Variants in PSD3 observed in about 807,000 individuals in gnomAD.
PSD3 encodes PH and SEC7 domain-containing protein 3.
Under a neutral mutation model 105.5 loss-of-function variants are expected in PSD3, and 49 were observed. The observed-to-expected ratio is 0.46, with a 90% CI of 0.37 to 0.59. The LOEUF is 0.59. Among genes scored for constraint, PSD3 ranks in the 20% least tolerant of loss-of-function variants. PSD3 has a pLI of 0.00. For synonymous variants in PSD3, 557 were observed against 457.8 expected, an observed-to-expected ratio of 1.22 and a Z score of -2.77; for missense variants, 1,561 against 1,263.8, an observed-to-expected ratio of 1.24 and a Z score of -3.57.
At chr8:18,558,469 C>T (rs761501298) in intron 14 of PSD3, among the ~76,000 whole-genome samples, 34 of 152,144 alleles carry the variant, frequency 2.2e-4, no homozygotes, top group Admixed American at 5.2e-4. Context: ...TACACATGTA[C>T]GTGCTCATCT....
chr8:18,626,250 T>A (rs879861279), intron 11 of PSD3, among the ~76,000 whole-genome samples: 26 of 147,970 alleles, frequency 1.8e-4, no homozygotes, highest in Non-Finnish European at 3.1e-4. Flanking sequence ...TAAAGTTAAT[T>A]AAAAAAAAAA....
intron 4 of PSD3, among the ~76,000 whole-genome samples, chr8:18,820,149 G>A (rs1319130431): frequency 6.9e-6 from 1 of 145,254 alleles, no homozygotes; most frequent in Non-Finnish European, 1.5e-5. Flanking sequence ...CTGTGTCATA[G>A]TTAATTGCTG....
intron 9 of PSD3, among the ~76,000 whole-genome samples, chr8:18,667,799 C>T (rs908788490): frequency 6.6e-6 from 1 of 152,196 alleles, no homozygotes; most frequent in African/African-American, 2.4e-5. Flanking sequence ...TCAGGCATGG[C>T]GGGCTGCAGA....
chr8:18,968,291 C>T (rs941342482), intron 1 of PSD3, among the ~76,000 whole-genome samples: 1 of 152,214 alleles, frequency 6.6e-6, no homozygotes, highest in African/African-American at 2.4e-5. Context: ...TTCTCTGACA[C>T]TGAGGCAAAG....
intron 4 of PSD3, among the ~76,000 whole-genome samples, chr8:18,816,114 G>C (rs944961981): frequency 6.6e-6 from 1 of 152,144 alleles, no homozygotes; most frequent in African/African-American, 2.4e-5. Flanking sequence ...GGGATTAACA[G>C]GGGACGTTTC....
At chr8:18,882,529 C>G (rs576853810) in intron 2 of PSD3, among the ~76,000 whole-genome samples, 5 of 152,210 alleles carry the variant, frequency 3.3e-5, no homozygotes, top group African/African-American at 1.2e-4. Context: ...ACTGTCTGCT[C>G]GCAAACAAAG....
At chr8:19,014,520 G>C (rs540360214), upstream of PSD3, 3 of 152,396 alleles carry the variant, frequency 2.0e-5, no homozygotes, top group Admixed American at 6.5e-5. This position sits in a 1 kb window ranked among gnomAD's most constrained non-coding sequence, Gnocchi z 4.9. Context: ...TCCCCTGGTA[G>C]AGGGACGGAG....
intron 14 of PSD3, among the ~76,000 whole-genome samples, chr8:18,571,976 CAGA>C (rs141234394): frequency 0.011 from 1,680 of 152,226 alleles, 16 homozygotes; most frequent in Non-Finnish European, 0.018. Flanking sequence ...AATCTGACCA[CAGA>C]AGGAGGCTTA....
At chr8:18,752,738 T>C (rs1805716929) in intron 9 of PSD3, among the ~76,000 whole-genome samples, 1 of 135,916 alleles carries the variant, frequency 7.4e-6, no homozygotes, top group Admixed American at 8.4e-5. Flanking sequence ...GTCTATACTG[T>C]ATGACAAACA....
At chr8:18,567,230 C>T (rs1468442269) in intron 14 of PSD3, among the ~76,000 whole-genome samples, 1 of 150,940 alleles carries the variant, frequency 6.6e-6, no homozygotes, top group African/African-American at 2.4e-5. Context: ...TGGGAAAGTC[C>T]ACCGTAAAAT....
intron 15 of PSD3, among the ~76,000 whole-genome samples, chr8:18,548,252 T>G (rs932951650): frequency 2.6e-5 from 4 of 152,188 alleles, no homozygotes; most frequent in Non-Finnish European, 5.9e-5. Context: ...TATCTTTGTA[T>G]TCTGTGGCCT....
intron 15 of PSD3, among the ~76,000 whole-genome samples, chr8:18,542,049 G>A (rs1056241538): frequency 5.3e-5 from 8 of 152,008 alleles, no homozygotes; most frequent in South Asian, 2.1e-4. Context: ...CACCTCATTC[G>A]GCCCTGAGAA....
At chr8:18,569,520 T>G (rs1246523924) in intron 14 of PSD3, among the ~76,000 whole-genome samples, 1 of 138,734 alleles carries the variant, frequency 7.2e-6, no homozygotes, top group Non-Finnish European at 1.5e-5. Context: ...TCAAAGAGAA[T>G]AAAATACCTA....
chr8:18,799,250 A>T, intron 8 of PSD3, 45 bp downstream of exon 8: 1 of 1,500,284 alleles, frequency 6.7e-7, no homozygotes, highest in Admixed American at 1.7e-5. Flanking sequence ...AAGCAGAGAT[A>T]AGCCCGACAT....
intron 15 of PSD3, among the ~76,000 whole-genome samples, chr8:18,547,839 C>G (rs1800536854): frequency 1.3e-5 from 2 of 152,110 alleles, no homozygotes; most frequent in South Asian, 2.1e-4. Flanking sequence ...ATATCTTTCT[C>G]TAGATTTGGG....
intron 1 of PSD3, among the ~76,000 whole-genome samples, chr8:18,942,206 G>C (rs982398891): frequency 1.3e-5 from 2 of 152,144 alleles, no homozygotes; most frequent in African/African-American, 4.8e-5. Flanking sequence ...CAGAGAATCT[G>C]AAAGCCTCCA....
At chr8:18,682,236 A>G (rs559968068) in intron 9 of PSD3, among the ~76,000 whole-genome samples, 2 of 152,312 alleles carry the variant, frequency 1.3e-5, no homozygotes, top group Non-Finnish European at 2.9e-5. Context: ...AAGGATGATG[A>G]GCTCTTAATT....
At chr8:18,699,508 C>G in intron 9 of PSD3, among the ~76,000 whole-genome samples, 1 of 152,240 alleles carries the variant, frequency 6.6e-6, no homozygotes, top group South Asian at 2.1e-4. Flanking sequence ...GATAACAATT[C>G]ATAGAGTGTA....
At chr8:18,964,582 A>C (rs1226447468) in intron 1 of PSD3, among the ~76,000 whole-genome samples, 1 of 151,938 alleles carries the variant, frequency 6.6e-6, no homozygotes, top group Admixed American at 6.6e-5. Context: ...TTATCTCCTT[A>C]AAGTGTGGTC....
Sources: gnomAD v4.1 joint callset for allele counts (sites outside exome capture counted in the v4.1 genomes callset) on GRCh38, gnomAD v4.1.1 for gene constraint, Gnocchi (gnomAD v3.1) non-coding constraint, MANE v1.5 for transcripts, NCBI Gene and HGNC (gene_info 2026-07-23, HGNC 2026-07-21) for gene names.